The following GPC3 variants were observed in gnomAD, a reference collection of about 807,000 sequenced individuals.
GPC3 encodes glypican-3.
Under a neutral mutation model 34.4 loss-of-function variants are expected in GPC3, and 3 were observed. The ratio of observed to expected loss-of-function variants is 0.09; its 90% CI spans 0.04 to 0.23. GPC3 has a LOEUF of 0.23. Ranked by LOEUF, GPC3 falls within the 10% of genes least tolerant of loss-of-function variation. The pLI, the probability that GPC3 is intolerant of heterozygous loss-of-function variation, is 1.00. For missense variants in GPC3, 351 were observed against 445.6 expected (o/e 0.79, Z 1.91); for synonymous variants, 177 against 174.0 (o/e 1.02, Z -0.13).
chrX:133,613,486 T>C (rs775393236), intron 6 of GPC3, among the ~76,000 whole-genome samples: 1 of 111,285 alleles, frequency 9.0e-6, no homozygotes, highest in South Asian at 3.8e-4. Flanking sequence ...GTCATAGGAG[T>C]TTCAGTTTTC....
intron 6 of GPC3, among the ~76,000 whole-genome samples, chrX:133,613,994 A>T (rs1246393731): frequency 8.9e-6 from 1 of 111,948 alleles, no homozygotes; most frequent in Non-Finnish European, 1.9e-5. Context: ...GAAGGACTCA[A>T]CAGCAAATTT....
chrX:133,655,867 T>G lies in GPC3; in HGVS notation c.1413+5863A>C, dbSNP rs182155538. On this transcript the variant is annotated intron_variant, in intron 6 of 7. Coordinates refer to ENST00000370818, the MANE Select transcript of GPC3 (RefSeq NM_004484.4). ...ATGTCCTGAGTGCTCCTTTGGCACT[T>G]AACAGCTTTACTAATTAACTTATTA... Among the ~76,000 whole-genome samples, 220 of 112,123 alleles carry G rather than the reference T, an allele frequency of 2.0e-3. 1 individual carries two copies. The highest frequency in any genetic ancestry group is 6.8e-3 in the African/African-American group (211 of 30,912).
At chrX:133,774,257 C>T (rs2124496606) in intron 2 of GPC3, among the ~76,000 whole-genome samples, 1 of 111,543 alleles carries the variant, frequency 9.0e-6, no homozygotes, top group East Asian at 2.8e-4. Context: ...TTTTAAAATG[C>T]CCAGGATTTG....
At chrX:133,563,571 A>G (rs1348870197) in intron 7 of GPC3, among the ~76,000 whole-genome samples, 1 of 112,335 alleles carries the variant, frequency 8.9e-6, no homozygotes, top group Middle Eastern at 4.2e-3. Flanking sequence ...ATTTTCTTGC[A>G]TTAAGTTCCA....
At chrX:133,752,000 A>G (rs746397457) in intron 3 of GPC3, among the ~76,000 whole-genome samples, 1 of 111,004 alleles carries the variant, frequency 9.0e-6, no homozygotes, top group Non-Finnish European at 1.9e-5. Context: ...TCCCCCCAGT[A>G]GCATGCCACC....
At position 133,751,016 on chromosome X, in the gene GPC3, T is replaced by C. The variant is rs1416820691; in HGVS notation, c.1032+2466A>G. 3.7e-5 allele frequency among the ~76,000 whole-genome samples: 4 copies of C among 108,300 alleles called. No individual in the cohort carries two copies. In the South Asian group the frequency reaches 1.7e-3, roughly 45 times the overall value. 94.0% of individuals were successfully genotyped at this position (108,300 alleles called of 115,157 possible). A position where few individuals can be genotyped will look rare whatever the true frequency, so the allele number is the denominator to read the frequency against. On this transcript the variant is annotated intron_variant, in intron 3 of 7. Coordinates refer to ENST00000370818, the MANE Select transcript of GPC3 (RefSeq NM_004484.4). The stretch of plus-strand genomic sequence containing the variant: ...TAGAAGTAGGAGGTGGAGGTTGCAG[T>C]GAGCCGAGATTACACCACTGCACTC...
chrX:133,550,765 T>G (rs993911718), intron 7 of GPC3, among the ~76,000 whole-genome samples: 8 of 111,936 alleles, frequency 7.1e-5, no homozygotes, highest in Non-Finnish European at 1.5e-4. Context: ...CCACCACTGA[T>G]CCATGAAGTC....
chrX:133,550,735 G>T (rs899372842), intron 7 of GPC3, among the ~76,000 whole-genome samples: 1 of 111,971 alleles, frequency 8.9e-6, no homozygotes, highest in Admixed American at 9.4e-5. Flanking sequence ...ACTAACTGAT[G>T]ATTTCCTTAG....
At chrX:133,789,648 C>T (rs1350114034) in intron 2 of GPC3, among the ~76,000 whole-genome samples, 2 of 112,035 alleles carry the variant, frequency 1.8e-5, no homozygotes, top group African/African-American at 6.5e-5. Flanking sequence ...CATTTTGCTG[C>T]CCCACCATCA....
chrX:133,702,775 T>C (rs1200522609), intron 3 of GPC3, among the ~76,000 whole-genome samples: 2 of 111,809 alleles, frequency 1.8e-5, no homozygotes, highest in Non-Finnish European at 3.8e-5. Flanking sequence ...AATGGTGTCC[T>C]GCCAATAACC....
chrX:133,786,686 C>T (rs967197620), intron 2 of GPC3, among the ~76,000 whole-genome samples: 2 of 111,787 alleles, frequency 1.8e-5, no homozygotes, highest in Admixed American at 1.9e-4. Context: ...TGTGTGGTGG[C>T]CTGGGATTTG....
At chrX:133,805,316 G>A (rs1053930553) in intron 2 of GPC3, among the ~76,000 whole-genome samples, 1 of 111,565 alleles carries the variant, frequency 9.0e-6, no homozygotes, top group Admixed American at 9.5e-5. Context: ...ACACTAGGTA[G>A]AAAACAAAGG....
intron 6 of GPC3, among the ~76,000 whole-genome samples, chrX:133,640,316 G>T (rs1324768395): frequency 8.9e-6 from 1 of 111,778 alleles, no homozygotes; most frequent in Non-Finnish European, 1.9e-5. Flanking sequence ...GTATTTCCCT[G>T]TCTAACCTGC....
intron 2 of GPC3, among the ~76,000 whole-genome samples, chrX:133,901,785 A>G: frequency 8.9e-6 from 1 of 111,791 alleles, no homozygotes; most frequent in Non-Finnish European, 1.9e-5. Flanking sequence ...AAGAGGGGGG[A>G]AAAGGTAATT....
At chrX:133,582,674 T>C (rs1427931099) in intron 7 of GPC3, among the ~76,000 whole-genome samples, 4 of 111,784 alleles carry the variant, frequency 3.6e-5, no homozygotes, top group Non-Finnish European at 7.5e-5. Context: ...AGTTTTATTG[T>C]CTACAAAGAT....
At chrX:133,703,715 C>G (rs2071187773) in intron 3 of GPC3, among the ~76,000 whole-genome samples, 1 of 112,068 alleles carries the variant, frequency 8.9e-6, no homozygotes, top group African/African-American at 3.2e-5. Context: ...CCACCTTGGC[C>G]TCCCAAAGTG....
intron 2 of GPC3, among the ~76,000 whole-genome samples, chrX:133,950,262 AAAC>A (rs1021825077): frequency 2.7e-5 from 3 of 112,167 alleles, no homozygotes; most frequent in Admixed American, 9.5e-5. Flanking sequence ...ATCATTATCA[AAAC>A]AACATTAGCA....
At chrX:133,646,901 TGAGGACC>T (rs1185488213) in intron 6 of GPC3, among the ~76,000 whole-genome samples, 1 of 111,676 alleles carries the variant, frequency 9.0e-6, no homozygotes, top group African/African-American at 3.3e-5. Flanking sequence ...CTTCGCAAGT[TGAGGACC>T]TTCTGAACTG....
chrX:133,973,465 C>T (rs751051288), intron 1 of GPC3, among the ~76,000 whole-genome samples: 22 of 112,616 alleles, frequency 2.0e-4, no homozygotes, highest in Admixed American at 3.7e-4. Flanking sequence ...AATCTTCCCT[C>T]GTGGTCCTTC....
Sources: allele counts gnomAD v4.1 joint callset (sites outside exome capture counted in the v4.1 genomes callset), GRCh38; gene constraint gnomAD v4.1.1; transcripts MANE v1.5; gene names NCBI Gene and HGNC (gene_info 2026-07-23, HGNC 2026-07-21).